The following CNTN4 variants were observed in gnomAD, a reference collection of about 807,000 sequenced individuals.
The protein encoded by CNTN4 is contactin 4, also known as contactin-4.
Under a neutral mutation model 122.5 loss-of-function variants are expected in CNTN4, and 77 were observed. That is an observed-to-expected ratio of 0.63 (90% CI 0.52 to 0.76). The LOEUF (loss-of-function observed/expected upper bound fraction) is 0.76, where lower values mean the gene tolerates loss of function less well. Ranked by LOEUF, CNTN4 falls within the 30% of genes least tolerant of loss-of-function variation. The pLI is 0.00. For synonymous variants in CNTN4, 512 were observed against 447.0 expected, an observed-to-expected ratio of 1.15 and a Z score of -1.83; for missense variants, 1,256 against 1,259.1, an observed-to-expected ratio of 1.00 and a Z score of 0.04.
At chr3:2,992,205 G>A (rs1695120794) in intron 14 of CNTN4, among the ~76,000 whole-genome samples, 2 of 152,168 alleles carry the variant, frequency 1.3e-5, no homozygotes, top group Admixed American at 1.3e-4. Context: ...GATTCTGCAT[G>A]AGCAGGCTCC....
At chr3:2,724,863 T>C (rs2149416852) in intron 4 of CNTN4, among the ~76,000 whole-genome samples, 1 of 152,266 alleles carries the variant, frequency 6.6e-6, no homozygotes, top group Middle Eastern at 3.4e-3. Context: ...TCCACTTTGG[T>C]CGTACTTTTG....
intron 3 of CNTN4, among the ~76,000 whole-genome samples, chr3:2,474,884 A>G (rs1255719903): frequency 6.6e-6 from 1 of 152,198 alleles, no homozygotes; most frequent in Non-Finnish European, 1.5e-5. Flanking sequence ...TAATGACTGC[A>G]TGATATTCTT....
intron 4 of CNTN4, among the ~76,000 whole-genome samples, chr3:2,576,487 A>G (rs184973369): frequency 1.3e-5 from 2 of 151,928 alleles, no homozygotes; most frequent in East Asian, 1.9e-4. Context: ...CTTGAAGTCT[A>G]TATCTTGGTG....
intron 3 of CNTN4, among the ~76,000 whole-genome samples, chr3:2,376,236 C>G (rs1041509963): frequency 6.6e-6 from 1 of 152,186 alleles, no homozygotes; most frequent in African/African-American, 2.4e-5. Context: ...TGCTGCACTT[C>G]TCCTTTAACA....
At chr3:3,037,977 G>T (rs1003427553) in intron 18 of CNTN4, among the ~76,000 whole-genome samples, 4 of 152,122 alleles carry the variant, frequency 2.6e-5, no homozygotes, top group African/African-American at 7.2e-5. Context: ...GCCTACATGT[G>T]CCGTCTTTTA....
At chr3:2,558,850 G>A (rs911966444) in intron 3 of CNTN4, among the ~76,000 whole-genome samples, 1 of 152,154 alleles carries the variant, frequency 6.6e-6, no homozygotes, top group African/African-American at 2.4e-5. Context: ...CTGTATAACT[G>A]CAAATGATCA....
chr3:2,955,917 A>G (rs1577393901), intron 13 of CNTN4, among the ~76,000 whole-genome samples: 1 of 152,342 alleles, frequency 6.6e-6, no homozygotes, highest in South Asian at 2.1e-4. Context: ...TAGAATTACC[A>G]TATGATTGAA....
At chr3:2,286,347 A>G (rs2041903233) in intron 2 of CNTN4, among the ~76,000 whole-genome samples, 4 of 151,554 alleles carry the variant, frequency 2.6e-5, no homozygotes, top group Non-Finnish European at 4.4e-5. Flanking sequence ...GAAAAATGAG[A>G]AATTCTCTTT....
intron 2 of CNTN4, among the ~76,000 whole-genome samples, chr3:2,235,910 A>G (rs959450490): frequency 6.6e-6 from 1 of 152,146 alleles, no homozygotes; most frequent in Non-Finnish European, 1.5e-5. Flanking sequence ...CAGTACACAT[A>G]CAATGTAGTT....
chr3:2,106,620 C>G (rs916265142), intron 2 of CNTN4, among the ~76,000 whole-genome samples: 2 of 152,170 alleles, frequency 1.3e-5, no homozygotes, highest in Non-Finnish European at 2.9e-5. Context: ...GAGCCCAGTG[C>G]CTTGTCCAAG....
rs1282229250 is a variant in CNTN4 at position 2,652,059 on chromosome 3, G to A, written c.55+80501G>A. On this transcript the variant is annotated intron_variant, in intron 4 of 24. Coordinates refer to ENST00000418658, the MANE Select transcript of CNTN4 (RefSeq NM_175607.3). ...TAAATAGCCAGGTATGGCGGTTCAT[G>A]CATCCAGTTCTAGCAACTTGGTAGG... Among the ~76,000 whole-genome samples the A allele has an allele frequency of 2.0e-5, 3 of 151,440 alleles. 1 individual carries two copies. The highest frequency in any genetic ancestry group is 2.0e-4 in the Admixed American group (3 of 15,192).
chr3:2,403,265 A>G (rs1267359059), intron 3 of CNTN4, among the ~76,000 whole-genome samples: 1 of 152,090 alleles, frequency 6.6e-6, no homozygotes, highest in African/African-American at 2.4e-5. Flanking sequence ...CCTCAGAATT[A>G]TATCTGCAGT....
chr3:2,492,058 A>T (rs2076334412), intron 3 of CNTN4, among the ~76,000 whole-genome samples: 1 of 152,172 alleles, frequency 6.6e-6, no homozygotes, highest in South Asian at 2.1e-4. Context: ...TTTAAAAAAA[A>T]TCTATGCACC....
intron 10 of CNTN4, among the ~76,000 whole-genome samples, chr3:2,893,715 TCTCA>T (rs2094072536): frequency 6.6e-6 from 1 of 152,192 alleles, no homozygotes; most frequent in Admixed American, 6.5e-5. Flanking sequence ...ATTCAAGTCA[TCTCA>T]CTCTATAGTC....
Position 3,040,206 on chromosome 3 carries a change from G to A in CNTN4, c.2333G>A (p.Gly778Asp), listed in dbSNP as rs1700022548. 6.2e-7 allele frequency: 1 copy of A among 1,614,224 alleles called. No homozygotes were observed. The highest frequency in any genetic ancestry group is 8.5e-7 in the Non-Finnish European group (1 of 1,180,036). Reference protein sequence around the residue: ...HPFSPFEVKVGVFNNKGEGPF... With the variant: ...HPFSPFEVKVDVFNNKGEGPF... ...TTCTCTCCCTTTGAGGTTAAAGTAGGTGTCTTCAACAACAAAGGAGAAGGC... is the reference window on the plus strand; with the variant it reads ...TTCTCTCCCTTTGAGGTTAAAGTAGATGTCTTCAACAACAAAGGAGAAGGC... Residue 778 changes from glycine to aspartate, a missense_variant, in exon 20 of 25, where the codon GGT becomes GAT. Gly to Asp is a moderately conservative substitution (Grantham distance 94, BLOSUM62 -1). Transcript: ENST00000418658.
chr3:2,728,917 A>C (rs756231371), intron 4 of CNTN4, among the ~76,000 whole-genome samples: 1 of 152,292 alleles, frequency 6.6e-6, no homozygotes, highest in South Asian at 2.1e-4. Flanking sequence ...ACTGTATATC[A>C]CAGTGCTGGG....
At chr3:2,833,272 T>C (rs574651713) in intron 7 of CNTN4, among the ~76,000 whole-genome samples, 5 of 152,062 alleles carry the variant, frequency 3.3e-5, no homozygotes, top group South Asian at 2.1e-4. Flanking sequence ...TGATGAGAAA[T>C]GGAAATATTA....
At chr3:2,872,246 C>A (rs1559604013) in intron 8 of CNTN4, among the ~76,000 whole-genome samples, 1 of 152,136 alleles carries the variant, frequency 6.6e-6, no homozygotes, top group Non-Finnish European at 1.5e-5. Flanking sequence ...TGTCTTTAGC[C>A]ACTTACATGG....
At chr3:2,989,308 C>A (rs1004088963) in intron 14 of CNTN4, among the ~76,000 whole-genome samples, 1 of 152,086 alleles carries the variant, frequency 6.6e-6, no homozygotes. Context: ...GAGACCTGAA[C>A]CCAGATCCTG....
Sources: gnomAD v4.1 joint callset for allele counts (sites outside exome capture counted in the v4.1 genomes callset) on GRCh38, gnomAD v4.1.1 for gene constraint, MANE v1.5 for transcripts, NCBI Gene and HGNC (gene_info 2026-07-23, HGNC 2026-07-21) for gene names.